Variants in SRPK2 observed in about 807,000 individuals in gnomAD.
SRPK2 encodes the protein SRSF protein kinase 2.
Under a neutral mutation model 90.8 loss-of-function variants are expected in SRPK2, and 21 were observed. The ratio of observed to expected loss-of-function variants is 0.23; its 90% confidence interval spans 0.16 to 0.33. The LOEUF is 0.33. SRPK2 is among the 10% of genes least tolerant of loss of function. The pLI is 1.00. For missense variants in SRPK2, 620 were observed against 869.0 expected, an observed-to-expected ratio of 0.71 and a Z score of 3.60; for synonymous variants, 288 against 311.1, an observed-to-expected ratio of 0.93 and a Z score of 0.78.
chr7:105,390,607 G>GTTTTTTTTTTTT (rs869259356), upstream of SRPK2, among the ~76,000 whole-genome samples: 3 of 109,046 alleles, frequency 2.8e-5, no homozygotes, highest in African/African-American at 7.8e-5. Context: ...TTTTGTTTTT[G>GTTTTTTTTTTTT]TTTTTTTTTT....
chr7:105,271,886 C>T (rs1805879575), intron 2 of SRPK2, among the ~76,000 whole-genome samples: 1 of 152,138 alleles, frequency 6.6e-6, no homozygotes, highest in Non-Finnish European at 1.5e-5. Context: ...CAATCTTTTC[C>T]TTGTTAAATT....
At chr7:105,170,794 A>AAGGAAGGAC (rs1563024498) in intron 3 of SRPK2, among the ~76,000 whole-genome samples, 2 of 74,508 alleles carry the variant, frequency 2.7e-5, no homozygotes, top group Non-Finnish European at 5.0e-5. Context: ...GGAGGGAGGG[A>AAGGAAGGAC]GGGAGGGAGG....
At chr7:105,217,378 T>C (rs1797601015) in intron 2 of SRPK2, among the ~76,000 whole-genome samples, 1 of 152,220 alleles carries the variant, frequency 6.6e-6, no homozygotes, top group Non-Finnish European at 1.5e-5. Flanking sequence ...ATTCAAAACA[T>C]ACAGTGGTGC....
At chr7:105,353,694 G>A (rs935600862) in intron 2 of SRPK2, among the ~76,000 whole-genome samples, 1 of 152,076 alleles carries the variant, frequency 6.6e-6, no homozygotes, top group African/African-American at 2.4e-5. Context: ...GCCCCAAGGT[G>A]AGCAGTAAGG....
At chr7:105,247,216 TACTA>T (rs761082302) in intron 2 of SRPK2, among the ~76,000 whole-genome samples, 2 of 152,228 alleles carry the variant, frequency 1.3e-5, no homozygotes, top group Non-Finnish European at 2.9e-5. Context: ...TTTCTCTATA[TACTA>T]ACTAAGTCCT....
rs140635520 is a variant in SRPK2, at chr7:105,309,913, G to A, written c.71+78735C>T. Among the ~76,000 whole-genome samples the A allele has an allele frequency of 1.4e-4, 22 of 152,244 alleles. No individual in the cohort carries two copies. The East Asian group carries it at 3.9e-3, about 27-fold the overall frequency. On this transcript the variant is annotated intron_variant, in intron 2 of 15. Transcript: ENST00000393651. The stretch of plus-strand genomic sequence containing the variant: ...GTTTATGTCCCTGAGGGGCTCATAA[G>A]CCAGTAGAGGAGAAAAAAATCACAC...
At chr7:105,195,458 G>C (rs1585132535) in intron 3 of SRPK2, among the ~76,000 whole-genome samples, 1 of 152,144 alleles carries the variant, frequency 6.6e-6, no homozygotes, top group African/African-American at 2.4e-5. Flanking sequence ...TTGAAGTGAT[G>C]CTTTAAAGTT....
chr7:105,229,333 G>C (rs1209019480), intron 2 of SRPK2, among the ~76,000 whole-genome samples: 1 of 151,998 alleles, frequency 6.6e-6, no homozygotes, highest in Non-Finnish European at 1.5e-5. Flanking sequence ...GCATAGCGGC[G>C]GGCGCCTGTA....
chr7:105,253,226 C>T (rs1029395653), intron 2 of SRPK2, among the ~76,000 whole-genome samples: 20 of 152,220 alleles, frequency 1.3e-4, no homozygotes, highest in African/African-American at 4.8e-4. Flanking sequence ...CTCTGTCACT[C>T]ATTGTAAATG....
At chr7:105,280,672 G>A (rs955488836) in intron 2 of SRPK2, among the ~76,000 whole-genome samples, 7 of 148,514 alleles carry the variant, frequency 4.7e-5, no homozygotes, top group Non-Finnish European at 1.5e-5. Context: ...GGGGGGCCGG[G>A]CACAGTGGCT....
intron 2 of SRPK2, among the ~76,000 whole-genome samples, chr7:105,318,160 T>A (rs1812517707): frequency 6.6e-6 from 1 of 152,222 alleles, no homozygotes; most frequent in African/African-American, 2.4e-5. Flanking sequence ...AGTGGTGTGA[T>A]CTCAGCTCAC....
chr7:105,365,863 C>CA (rs1212767919), intron 2 of SRPK2, among the ~76,000 whole-genome samples: 1 of 145,090 alleles, frequency 6.9e-6, no homozygotes, highest in Non-Finnish European at 1.5e-5. Context: ...TTATTTCTTC[C>CA]TTTTTTTTTT....
chr7:105,319,546 C>T (rs6947373), intron 2 of SRPK2, among the ~76,000 whole-genome samples: 1,635 of 113,232 alleles, frequency 0.014, 63 homozygotes, highest in African/African-American at 0.048. Context: ...AGAATATAAG[C>T]CCCTTTAAAC....
In SRPK2 at chr7:105,388,861, G is replaced by A. The variant is rs1821986812; in HGVS notation, c.-55C>T. ...TTCGCGACGGCGACGCGGGCGCCGA[G>A]ACGAGCTGGGCTGCAGCCTCCACTC... On this transcript the variant is annotated 5_prime_UTR_variant, in exon 1 of 16. Coordinates refer to ENST00000393651, the MANE Select transcript of SRPK2 (RefSeq NM_182692.3). The A allele has an allele frequency of 1.5e-5, 20 of 1,311,784 alleles. No individual in the cohort carries two copies. Among genetic ancestry groups the A allele is most frequent in the Non-Finnish European group, 1.7e-5 (18 of 1,036,528 alleles). 81.3% of individuals were successfully genotyped at this position (1,311,784 alleles called of 1,614,324 possible).
chr7:105,245,029 AAACAAACACACACAC>A, intron 2 of SRPK2: 1 of 639,982 alleles, frequency 1.6e-6, no homozygotes, highest in Non-Finnish European at 2.7e-6. Context: ...AAACAAAACA[AAACAAACACACACAC>A]ACACACACAC....
At chr7:105,289,091 C>A (rs1373184282) in intron 2 of SRPK2, among the ~76,000 whole-genome samples, 1 of 114,730 alleles carries the variant, frequency 8.7e-6, no homozygotes, top group African/African-American at 3.3e-5. Context: ...CCCATCTCTA[C>A]TTAAAGCACA....
chr7:105,216,069 C>CA (rs767351592), intron 2 of SRPK2, among the ~76,000 whole-genome samples: 7,046 of 60,092 alleles, frequency 0.12, 419 homozygotes, highest in African/African-American at 0.26. Flanking sequence ...CCCATCTCTA[C>CA]AAAAAAAAAA....
chr7:105,302,765 T>C (rs1440326270), intron 2 of SRPK2, among the ~76,000 whole-genome samples: 1 of 152,152 alleles, frequency 6.6e-6, no homozygotes, highest in Non-Finnish European at 1.5e-5. Context: ...ATCTGCTAAA[T>C]ACACTAGAAA....
At chr7:105,220,106 A>C (rs144616964) in intron 2 of SRPK2, among the ~76,000 whole-genome samples, 2,083 of 152,338 alleles carry the variant, frequency 0.014, 19 homozygotes, top group South Asian at 0.028. Context: ...TCAAGTGATT[A>C]ATGTTTTTAA....
Sources: gnomAD v4.1 joint callset for allele counts (sites outside exome capture counted in the v4.1 genomes callset) on GRCh38, gnomAD v4.1.1 for gene constraint, MANE v1.5 for transcripts, NCBI Gene and HGNC (gene_info 2026-07-23, HGNC 2026-07-21) for gene names.